The following IQANK1 variants were observed in gnomAD, a reference collection of about 807,000 sequenced individuals.
IQANK1 encodes IQ motif and ankyrin repeat containing 1, also known as IQ motif and ankyrin repeat domain-containing protein 1.
Under a neutral mutation model 22.6 loss-of-function variants are expected in IQANK1, and 30 were observed. The observed-to-expected ratio is 1.33, with a 90% CI of 0.99 to 1.80. IQANK1 has a LOEUF of 1.80. Ranked by LOEUF, IQANK1 falls within the 40% of genes most tolerant of loss-of-function variation. The probability of loss-of-function intolerance (pLI) is 0.00; values close to 1 mark genes in which losing one functional copy is unlikely to be tolerated. For missense variants in IQANK1, 275 were observed against 235.2 expected (o/e 1.17, Z -1.11); for synonymous variants, 122 against 99.6 (o/e 1.23, Z -1.34).
chr8:143,751,854 G>T, intron 3 of IQANK1, among the ~76,000 whole-genome samples: 1 of 151,046 alleles, frequency 6.6e-6, no homozygotes, highest in East Asian at 1.9e-4. Flanking sequence ...TTCAGCTTTT[G>T]TTTATCTGGG....
At chr8:143,764,691 T>C (rs1274431954) in intron 3 of IQANK1, among the ~76,000 whole-genome samples, 1 of 152,200 alleles carries the variant, frequency 6.6e-6, no homozygotes, top group Non-Finnish European at 1.5e-5. Context: ...TCTCCATTTT[T>C]ACAGGGGTAA....
chr8:143,747,583 G>C (rs150602142), intron 3 of IQANK1, among the ~76,000 whole-genome samples: 33 of 151,942 alleles, frequency 2.2e-4, no homozygotes, highest in African/African-American at 8.0e-4. Context: ...TTGTTCCTAA[G>C]TATTTCCTAA....
At position 143,751,123 on chromosome 8, in the gene IQANK1, ACT is replaced by A. The variant is rs1205326013; in HGVS notation, c.175+11178_175+11179del. Among the ~76,000 whole-genome samples the A allele has an allele frequency of 4.0e-5, 6 of 151,774 alleles. No individual in the cohort carries two copies. The East Asian group carries it at 9.7e-4, about 24-fold the overall frequency. On this transcript the variant is annotated intron_variant, in intron 3 of 13. Transcript: ENST00000527139. ...CAGCTTAACTTCAACGACATAAAAAACTCTGTTCCTTTACAGCTTTGTCTCCA... is the reference window on the plus strand; with the variant it reads ...CAGCTTAACTTCAACGACATAAAAAACTGTTCCTTTACAGCTTTGTCTCCA...
intron 2 of IQANK1, 26 bp from the exon 3 acceptor site, chr8:143,739,833 G>C (rs1269781090): frequency 1.5e-6 from 1 of 687,412 alleles, no homozygotes; most frequent in Non-Finnish European, 2.7e-6. Context: ...CTCATCCCAA[G>C]CTCACTGACG....
At position 143,758,847 on chromosome 8, in the gene IQANK1, C is replaced by CGA. The variant is rs1554628675; in HGVS notation, c.176-12637_176-12636dup. The CGA allele has an allele frequency of 6.4e-6, 1 of 156,654 alleles. No individual in the cohort carries two copies. The highest frequency in any genetic ancestry group is 2.4e-5 in the African/African-American group (1 of 41,482). The allele number at this position is 156,654 out of a possible 1,614,324, so 9.7% of individuals were successfully genotyped here. On this transcript the variant is annotated intron_variant, in intron 3 of 13. Coordinates refer to ENST00000527139, the MANE Select transcript of IQANK1 (RefSeq NM_001381874.1). This position sits in a 1 kb window ranked among gnomAD's most constrained non-coding sequence, Gnocchi z 4.2. ...TTCACAGAGGCCAAAGATGACAACA[C>CGA]GAGAGGTGGTCAAAGCCAAGGTTTC...
At chr8:143,752,996 G>GGTTTTTTTT (rs368071885) in intron 3 of IQANK1, among the ~76,000 whole-genome samples, 2 of 69,904 alleles carry the variant, frequency 2.9e-5, no homozygotes, top group African/African-American at 1.2e-4. Context: ...CTCTCTGTTC[G>GGTTTTTTTT]TTTTTTTTTT....
At chr8:143,759,206 C>A in intron 3 of IQANK1, 1 of 230,216 alleles carries the variant, frequency 4.3e-6, no homozygotes, top group South Asian at 5.6e-5. Context: ...AGCAGCACTG[C>A]TTCACACTAG....
chr8:143,750,939 T>C (rs1222975930), intron 3 of IQANK1, among the ~76,000 whole-genome samples: 1 of 131,342 alleles, frequency 7.6e-6, no homozygotes, highest in South Asian at 2.7e-4. Context: ...AATTACTGTC[T>C]TCTTTTGTGT....
In IQANK1 at chr8:143,772,190, C is replaced by T. The variant is rs1587487432; in HGVS notation, c.610C>T (p.Gln204Ter). Reference sequence around the variant, plus strand: ...GCTGTCGGAGGCGGCCGCAGGCGGGCAGCCCCTGGCCATCCAGCTGCGGGC... The same window carrying T: ...GCTGTCGGAGGCGGCCGCAGGCGGGTAGCCCCTGGCCATCCAGCTGCGGGC... The part of the protein sequence containing the change: ...TPLSEAAAGG[Q>*]PLAIQLRAEL... The change falls in exon 6 of 14, where the codon CAG becomes TAG. Residue 204 changes from glutamine to a stop codon, truncating the protein, a stop_gained. Transcript: ENST00000527139. LOFTEE classifies it high-confidence loss of function. The T allele has an allele frequency of 2.5e-6, 1 of 393,880 alleles. No homozygotes were observed. Among genetic ancestry groups the T allele is most frequent in the Non-Finnish European group, 4.5e-6 (1 of 222,970 alleles). The allele number at this position is 393,880 out of a possible 1,614,324, so 24.4% of individuals were successfully genotyped here.
Position 143,771,972 on chromosome 8 carries a change from G to T in IQANK1, c.471+7G>T, listed in dbSNP as rs1819583711. 6.2e-6 allele frequency: 1 copy of T among 161,834 alleles called. No individual in the cohort carries two copies. The highest frequency in any genetic ancestry group is 6.6e-5 in the Admixed American group (1 of 15,044). The allele number at this position is 161,834 out of a possible 1,614,324, so 10.0% of individuals were successfully genotyped here. On this transcript the variant is annotated splice_region_variant and intron_variant, in intron 5 of 13. Transcript: ENST00000527139. This position sits in a 1 kb window ranked among gnomAD's most constrained non-coding sequence, Gnocchi z 6.0. ...CCGGGCGGTGCTGAAGGAGGTCAGCGGGGGCGGGAGGAGGACGAGGGCGGG... is the reference window on the plus strand; with the variant it reads ...CCGGGCGGTGCTGAAGGAGGTCAGCTGGGGCGGGAGGAGGACGAGGGCGGG...
chr8:143,739,658 C>T (rs1387585481), intron 2 of IQANK1, among the ~76,000 whole-genome samples: 1 of 152,220 alleles, frequency 6.6e-6, no homozygotes, highest in Non-Finnish European at 1.5e-5. Flanking sequence ...CCCTGAGGCC[C>T]CCTGTGCAGT....
chr8:143,771,335 G>C lies in IQANK1; in HGVS notation c.176-153G>C, dbSNP rs1819566596. Among the ~76,000 whole-genome samples, 2 of 150,394 alleles carry C rather than the reference G, an allele frequency of 1.3e-5. No homozygotes were observed. The highest frequency in any genetic ancestry group is 3.0e-5 in the Non-Finnish European group (2 of 67,418). On this transcript the variant is annotated intron_variant, in intron 3 of 13. Transcript: ENST00000527139. The surrounding 1 kb of genome is among the most constrained non-coding windows in gnomAD (Gnocchi z 6.0). ...GCCTCCTCGTGCGGCCTCTGCGGGCGGGAACCCCGGCTCGGCCGCGCTGGG... is the reference window on the plus strand; with the variant it reads ...GCCTCCTCGTGCGGCCTCTGCGGGCCGGAACCCCGGCTCGGCCGCGCTGGG...
chr8:143,738,314 G>A (rs1187697172), intron 2 of IQANK1, among the ~76,000 whole-genome samples: 3 of 152,194 alleles, frequency 2.0e-5, no homozygotes, highest in African/African-American at 7.2e-5. Context: ...CCTCAGGCCA[G>A]CTCAGAGGGC....
In IQANK1 at chr8:143,772,447, C is replaced by A. The variant is rs543680722; in HGVS notation, c.754C>A (p.Arg252=). ...EVLLKLGADP[R]VYAEDGSTPE... ...GCTCCTGAAGCTCGGAGCAGACCCCCGGGTGTACGCAGAGGACGGGAGCAC... is the reference window on the plus strand; with the variant it reads ...GCTCCTGAAGCTCGGAGCAGACCCCAGGGTGTACGCAGAGGACGGGAGCAC... Residue 252 remains arginine, a synonymous_variant, in exon 7 of 14, where the codon CGG becomes AGG. Transcript: ENST00000527139. 2.5e-6 allele frequency: 1 copy of A among 399,238 alleles called. No individual in the cohort carries two copies. Among genetic ancestry groups the A allele is most frequent in the Non-Finnish European group, 4.4e-6 (1 of 226,316 alleles). The allele number at this position is 399,238 out of a possible 1,614,324, so 24.7% of individuals were successfully genotyped here.
At chr8:143,740,526 T>A (rs1818879074) in intron 3 of IQANK1, among the ~76,000 whole-genome samples, 1 of 152,240 alleles carries the variant, frequency 6.6e-6, no homozygotes, top group South Asian at 2.1e-4. Context: ...CATTCTGTCC[T>A]CGCCGCTGCC....
intron 3 of IQANK1, among the ~76,000 whole-genome samples, chr8:143,740,384 C>T (rs782805470): frequency 6.6e-6 from 1 of 152,222 alleles, no homozygotes; most frequent in East Asian, 1.9e-4. Flanking sequence ...GCAGCTCCGA[C>T]CCTGCGCTGT....
intron 3 of IQANK1, chr8:143,742,624 G>T (rs572534177): frequency 2.2e-6 from 1 of 456,102 alleles, no homozygotes; most frequent in South Asian, 1.5e-5. Context: ...TCCAGGAGCT[G>T]CTTTCCAAAA....
At chr8:143,748,709 A>AATATATATC (rs1376670702) in intron 3 of IQANK1, among the ~76,000 whole-genome samples, 1 of 114,238 alleles carries the variant, frequency 8.8e-6, no homozygotes, top group Non-Finnish European at 1.6e-5. Flanking sequence ...TAAATATATA[A>AATATATATC]ATATATATCA....
At chr8:143,755,494 G>C (rs1194999795) in intron 3 of IQANK1, among the ~76,000 whole-genome samples, 2 of 152,102 alleles carry the variant, frequency 1.3e-5, no homozygotes, top group Non-Finnish European at 2.9e-5. Context: ...CTCCTAAGTA[G>C]CTGGGATTAC....
Sources: gnomAD v4.1 joint callset for allele counts (sites outside exome capture counted in the v4.1 genomes callset) on GRCh38, gnomAD v4.1.1 for gene constraint, Gnocchi (gnomAD v3.1) non-coding constraint, MANE v1.5 for transcripts, NCBI Gene and HGNC (gene_info 2026-07-23, HGNC 2026-07-21) for gene names.